CA10: variants seen among roughly 807,000 people sequenced by gnomAD.
CA10 encodes the protein carbonic anhydrase 10 (inactive).
Under a neutral mutation model 44.2 loss-of-function variants are expected in CA10, and 14 were observed. The ratio of observed to expected loss-of-function variants is 0.32; its 90% CI spans 0.21 to 0.50. The LOEUF (loss-of-function observed/expected upper bound fraction) is 0.50, where lower values mean the gene tolerates loss of function less well. CA10 is among the 20% of genes least tolerant of loss of function. CA10 has a pLI of 0.99. For synonymous variants in CA10, 159 were observed against 141.6 expected, an observed-to-expected ratio of 1.12 and a Z score of -0.87; for missense variants, 350 against 409.7, an observed-to-expected ratio of 0.85 and a Z score of 1.26.
At chr17:52,058,823 A>C (rs1987299524) in intron 2 of CA10, among the ~76,000 whole-genome samples, 1 of 151,942 alleles carries the variant, frequency 6.6e-6, no homozygotes, top group Admixed American at 6.6e-5. Flanking sequence ...CCCACCACTC[A>C]TGTCTCACAT....
intron 2 of CA10, among the ~76,000 whole-genome samples, chr17:51,936,104 A>G (rs1307167411): frequency 5.3e-5 from 8 of 152,176 alleles, no homozygotes. Flanking sequence ...ATTCAATTCA[A>G]AAGCATTTAC....
At chr17:51,757,114 A>T (rs921894042) in intron 3 of CA10, among the ~76,000 whole-genome samples, 2 of 152,196 alleles carry the variant, frequency 1.3e-5, no homozygotes, top group African/African-American at 4.8e-5. Context: ...GGTGTGTAAT[A>T]GGCTTTCTTT....
At chr17:51,748,118 C>T (rs1472293296) in intron 3 of CA10, among the ~76,000 whole-genome samples, 2 of 152,142 alleles carry the variant, frequency 1.3e-5, no homozygotes, top group African/African-American at 4.8e-5. Context: ...ATTTGTCCTT[C>T]TTACTATAAG....
intron 6 of CA10, among the ~76,000 whole-genome samples, chr17:51,636,540 A>G (rs1597953262): frequency 6.6e-6 from 1 of 152,162 alleles, no homozygotes; most frequent in East Asian, 1.9e-4. Context: ...AGCTGTAAGC[A>G]ATGCGTTCTA....
rs201748912 is a variant in CA10, at chr17:51,693,340, TA to T, written c.466-39605del. 7.5e-3 allele frequency among the ~76,000 whole-genome samples: 1,138 copies of T among 151,790 alleles called. 6 individuals carry two copies. Among genetic ancestry groups the T allele is most frequent in the African/African-American group, 0.026 (1,081 of 41,434 alleles). On this transcript the variant is annotated intron_variant, in intron 4 of 8. Coordinates refer to ENST00000451037, the MANE Select transcript of CA10 (RefSeq NM_020178.5). Reference sequence around the variant, plus strand: ...CTGGGTAATTATATCTTTTTCTCTTTAAAAAAAAATAATTTTAACATTTTTG... The same window carrying T: ...CTGGGTAATTATATCTTTTTCTCTTTAAAAAAAATAATTTTAACATTTTTG...
chr17:51,869,094 A>G (rs191329439), intron 3 of CA10, among the ~76,000 whole-genome samples: 1 of 152,266 alleles, frequency 6.6e-6, no homozygotes, highest in East Asian at 1.9e-4. Context: ...TAATTTTTAT[A>G]TATAAATTAT....
In CA10 at chr17:51,714,390, C is replaced by A. The variant is rs536436617; in HGVS notation, c.465+33243G>T. ...GTAAAATGGGTACAATAATACCTGT[C>A]TTCTCACAGGGGTTTGTGAGATTTA... On this transcript the variant is annotated intron_variant, in intron 4 of 8. Coordinates refer to ENST00000451037, the MANE Select transcript of CA10 (RefSeq NM_020178.5). 3.3e-5 allele frequency among the ~76,000 whole-genome samples: 5 copies of A among 152,300 alleles called. No individual in the cohort carries two copies. In the South Asian group the frequency reaches 1.0e-3, roughly 32 times the overall value.
Position 51,919,868 on chromosome 17 carries a change from G to C in CA10, c.279+11122C>G, listed in dbSNP as rs543847662. ...GGGGTTTCACCATATTGGCCAGGCT[G>C]GTCTTGAACTCCTGACCCCATGATC... On this transcript the variant is annotated intron_variant, in intron 3 of 8. Transcript: ENST00000451037. 7.2e-5 allele frequency among the ~76,000 whole-genome samples: 11 copies of C among 152,214 alleles called. No individual in the cohort carries two copies. The South Asian group carries it at 2.3e-3, about 32-fold the overall frequency.
At chr17:51,992,030 T>C (rs1378007294) in intron 2 of CA10, among the ~76,000 whole-genome samples, 1 of 152,048 alleles carries the variant, frequency 6.6e-6, no homozygotes, top group Non-Finnish European at 1.5e-5. Context: ...ACATCCGTGA[T>C]TTACTCTACC....
chr17:52,043,085 G>A (rs565210056), intron 2 of CA10, among the ~76,000 whole-genome samples: 2 of 152,090 alleles, frequency 1.3e-5, no homozygotes, highest in South Asian at 2.1e-4. Context: ...AGAGCTGTTT[G>A]TGGTTGTATG....
At chr17:51,897,321 TAG>T (rs974374876) in intron 3 of CA10, among the ~76,000 whole-genome samples, 4 of 152,136 alleles carry the variant, frequency 2.6e-5, no homozygotes, top group African/African-American at 9.7e-5. Context: ...ATTTATTGAA[TAG>T]AGAGTCCTTT....
chr17:51,840,383 T>G (rs894952122), intron 3 of CA10, among the ~76,000 whole-genome samples: 1 of 152,100 alleles, frequency 6.6e-6, no homozygotes. Context: ...AAAGGCAGAA[T>G]GCAGTACTTC....
chr17:51,993,404 C>T (rs1392934), intron 2 of CA10, among the ~76,000 whole-genome samples: 51,298 of 151,940 alleles, frequency 0.34, 10,427 homozygotes, highest in East Asian at 0.74. Flanking sequence ...GATTCTTTCC[C>T]ATCTGTTCAA....
chr17:52,027,025 C>A (rs539401012), intron 2 of CA10, among the ~76,000 whole-genome samples: 1 of 152,112 alleles, frequency 6.6e-6, no homozygotes, highest in Non-Finnish European at 1.5e-5. Context: ...AATTATACAA[C>A]CTCACCATAA....
At chr17:51,850,670 C>T (rs1393717469) in intron 3 of CA10, among the ~76,000 whole-genome samples, 3 of 152,314 alleles carry the variant, frequency 2.0e-5, no homozygotes, top group African/African-American at 7.2e-5. Flanking sequence ...AGATATTGCA[C>T]TGAAATAGAA....
rs140522101 is a variant in CA10, at chr17:52,050,545, C to T, written c.136+21774G>A. On this transcript the variant is annotated intron_variant, in intron 2 of 8. Transcript: ENST00000451037. ...CTCACTACTGAATAAAGAATTAAAC[C>T]TCAATATTCTCAAATGGCCTACAAG... Among the ~76,000 whole-genome samples the T allele has an allele frequency of 1.6e-3, 246 of 152,106 alleles. 2 individuals carry two copies. Among genetic ancestry groups the T allele is most frequent in the African/African-American group, 5.7e-3 (237 of 41,536 alleles).
intron 2 of CA10, among the ~76,000 whole-genome samples, chr17:52,047,871 TA>T (rs1218776703): frequency 1.3e-5 from 2 of 151,884 alleles, no homozygotes; most frequent in East Asian, 3.9e-4. Flanking sequence ...CTTTCCAACT[TA>T]AAAAATTCCA....
chr17:51,821,802 G>A, intron 3 of CA10, among the ~76,000 whole-genome samples: 1 of 152,154 alleles, frequency 6.6e-6, no homozygotes, highest in East Asian at 1.9e-4. Context: ...GGGCAGAAAA[G>A]CACAGAGCTT....
chr17:52,009,838 C>A (rs549657483), intron 2 of CA10, among the ~76,000 whole-genome samples: 104 of 151,874 alleles, frequency 6.8e-4, no homozygotes, highest in Non-Finnish European at 1.4e-3. Context: ...GGGAGAAAAT[C>A]TTCACAATCT....
Sources: allele counts gnomAD v4.1 joint callset (sites outside exome capture counted in the v4.1 genomes callset), GRCh38; gene constraint gnomAD v4.1.1; transcripts MANE v1.5; gene names NCBI Gene and HGNC (gene_info 2026-07-23, HGNC 2026-07-21).